The following KLRD1 variants were observed in gnomAD, a reference collection of about 807,000 sequenced individuals.
KLRD1 encodes the protein natural killer cells antigen CD94.
In KLRD1, 21 loss-of-function variants were observed where a neutral mutation model predicts 22.6. The observed-to-expected ratio is 0.93, with a 90% CI of 0.66 to 1.34. The LOEUF (loss-of-function observed/expected upper bound fraction) is 1.34, where lower values mean the gene tolerates loss of function less well. Among genes scored for constraint, KLRD1 ranks in the 40% most tolerant of loss-of-function variants. KLRD1 has a pLI of 0.00. For missense variants in KLRD1, 183 were observed against 208.6 expected (o/e 0.88, Z 0.76); for synonymous variants, 59 against 71.1 (o/e 0.83, Z 0.85).
rs1471947101 is a variant in KLRD1 at position 10,328,999 on chromosome 12, T to G, written c.*14206T>G. On this transcript the variant is annotated 3_prime_UTR_variant, in exon 6 of 6. Coordinates refer to ENST00000336164, the MANE Select transcript of KLRD1 (RefSeq NM_002262.5). ...GGGGGAAACCACCCCCATGATTCAA[T>G]TATCTCCCACTGGGTCCCTCCACCA... 1 of 152,158 alleles carries G rather than the reference T, an allele frequency of 6.6e-6. No individual in the cohort carries two copies. Among genetic ancestry groups the G allele is most frequent in the Non-Finnish European group, 1.5e-5 (1 of 68,024 alleles). The allele number at this position is 152,158 out of a possible 1,614,324, so 9.4% of individuals were successfully genotyped here.
intron 1 of KLRD1, among the ~76,000 whole-genome samples, chr12:10,284,979 C>T (rs1949687009): frequency 7.0e-6 from 1 of 143,308 alleles, no homozygotes; most frequent in Admixed American, 6.8e-5. Flanking sequence ...GAAACTCCAT[C>T]TCAAAAAAAA....
At chr12:10,275,092 G>T (rs1949581213) in intron 1 of KLRD1, among the ~76,000 whole-genome samples, 1 of 152,126 alleles carries the variant, frequency 6.6e-6, no homozygotes, top group Non-Finnish European at 1.5e-5. Context: ...GTTTCACCAT[G>T]TTGGTCAGGC....
At chr12:10,268,714 A>G (rs935633012) in intron 1 of KLRD1, among the ~76,000 whole-genome samples, 2 of 152,198 alleles carry the variant, frequency 1.3e-5, no homozygotes, top group African/African-American at 4.8e-5. Context: ...AATGTTGAAT[A>G]CTAATAGTTA....
Position 10,311,618 on chromosome 12 carries a change from A to G in KLRD1, c.315+3A>G. On this transcript the variant is annotated splice_donor_region_variant and intron_variant, in intron 4 of 5. Coordinates refer to ENST00000336164, the MANE Select transcript of KLRD1 (RefSeq NM_002262.5). ...AGCTTCAAAACACAGATGAACTGGC[A>G]TGTGCTGAGTCTGATTTTCTACATT... The G allele has an allele frequency of 6.2e-7, 1 of 1,613,670 alleles. No homozygotes were observed. Among genetic ancestry groups the G allele is most frequent in the Non-Finnish European group, 8.5e-7 (1 of 1,179,590 alleles).
chr12:10,283,516 G>A (rs1194673490), intron 1 of KLRD1, among the ~76,000 whole-genome samples: 10 of 151,394 alleles, frequency 6.6e-5, no homozygotes, highest in Admixed American at 2.0e-4. Flanking sequence ...ATCTCATGGT[G>A]TATTCCTATC....
At chr12:10,281,673 G>T (rs1949644670) in intron 1 of KLRD1, among the ~76,000 whole-genome samples, 1 of 152,106 alleles carries the variant, frequency 6.6e-6, no homozygotes, top group Non-Finnish European at 1.5e-5. Flanking sequence ...TTCAGTTGGA[G>T]CCAAAGGAAA....
intron 1 of KLRD1, among the ~76,000 whole-genome samples, chr12:10,274,479 A>C (rs1330118397): frequency 6.6e-6 from 1 of 152,152 alleles, no homozygotes; most frequent in East Asian, 1.9e-4. Context: ...TTTAATAATA[A>C]TCAAAGTTTC....
At chr12:10,313,636 G>T in intron 5 of KLRD1, 123 bp downstream of exon 5, 19 of 474,440 alleles carry the variant, frequency 4.0e-5, no homozygotes, top group East Asian at 6.8e-5. Context: ...TGAGAATACA[G>T]TAAAAGGAAA....
chr12:10,264,398 T>C (rs1949480820), intron 1 of KLRD1, among the ~76,000 whole-genome samples: 1 of 152,198 alleles, frequency 6.6e-6, no homozygotes, highest in African/African-American at 2.4e-5. Flanking sequence ...AAGTATTCAC[T>C]ACACTTAAAC....
intron 1 of KLRD1, among the ~76,000 whole-genome samples, chr12:10,253,032 TATCTA>T (rs938435890): frequency 1.3e-5 from 2 of 152,172 alleles, no homozygotes; most frequent in Non-Finnish European, 2.9e-5. Context: ...AAACATTTCT[TATCTA>T]ATGCTTTTAA....
chr12:10,257,746 AT>A (rs1259786621), intron 1 of KLRD1, among the ~76,000 whole-genome samples: 1 of 151,600 alleles, frequency 6.6e-6, no homozygotes, highest in African/African-American at 2.4e-5. Flanking sequence ...CTAAAGATTC[AT>A]TTTGTTTCTT....
chr12:10,273,154 A>T (rs1949564457), intron 1 of KLRD1, among the ~76,000 whole-genome samples: 1 of 152,206 alleles, frequency 6.6e-6, no homozygotes, highest in Non-Finnish European at 1.5e-5. Context: ...TGTCAAATTA[A>T]ATAATGAAAA....
chr12:10,248,530 TTTCCTTCCTTCC>T (rs547431896), intron 1 of KLRD1, among the ~76,000 whole-genome samples: 6,886 of 96,498 alleles, frequency 0.071, 377 homozygotes, highest in African/African-American at 0.16. Flanking sequence ...TGTATTTTCT[TTTCCTTCCTTCC>T]TTCCTTCCTT....
At position 10,324,186 on chromosome 12, in the gene KLRD1, T is replaced by TTCTG. The variant is rs1950337843; in HGVS notation, c.*9394_*9397dup. On this transcript the variant is annotated 3_prime_UTR_variant, in exon 6 of 6. Coordinates refer to ENST00000336164, the MANE Select transcript of KLRD1 (RefSeq NM_002262.5). ...CGATTCCTTTTTACTTCTGAGAGTC[T>TTCTG]TCTGATCCTTGAGTAAAGTATGTTT... 6.6e-6 allele frequency: 1 copy of TTCTG among 152,206 alleles called. No homozygotes were observed. The highest frequency in any genetic ancestry group is 1.5e-5 in the Non-Finnish European group (1 of 68,056). The allele number at this position is 152,206 out of a possible 1,614,324, so 9.4% of individuals were successfully genotyped here. A position where few individuals can be genotyped will look rare whatever the true frequency, so the allele number is the denominator to read the frequency against.
At chr12:10,248,256 C>G (rs2137616270) in intron 1 of KLRD1, among the ~76,000 whole-genome samples, 1 of 152,070 alleles carries the variant, frequency 6.6e-6, no homozygotes, top group South Asian at 2.1e-4. Context: ...ATCTATGAGA[C>G]TTTTACAGAT....
At chr12:10,292,636 G>T (rs550318879) in intron 1 of KLRD1, among the ~76,000 whole-genome samples, 1 of 152,082 alleles carries the variant, frequency 6.6e-6, no homozygotes, top group South Asian at 2.1e-4. Flanking sequence ...GGACTTTGTT[G>T]CTCTATATAG....
rs576869870 is a variant in KLRD1 at position 10,241,081 on chromosome 12, T to C, written c.-101+14848T>C. On this transcript the variant is annotated intron_variant, in intron 1 of 5. Transcript: ENST00000544747. The stretch of plus-strand genomic sequence containing the variant: ...TCATAATAAGAGTTGTGTAGTTACA[T>C]TCAGAGGCATTTACTATCTAGTGTC... 2.1e-3 allele frequency among the ~76,000 whole-genome samples: 322 copies of C among 152,304 alleles called. 1 individual carries two copies. The highest frequency in any genetic ancestry group is 4.0e-3 in the Non-Finnish European group (271 of 68,026).
In KLRD1 at chr12:10,324,518, C is replaced by T. The variant is rs1950341321; in HGVS notation, c.*9725C>T. Reference sequence around the variant, plus strand: ...GGTTTTCTGTTCTTCCATTGATTTGCTTAGGATAATGGCCTCTAGTTCTAT... The same window carrying T: ...GGTTTTCTGTTCTTCCATTGATTTGTTTAGGATAATGGCCTCTAGTTCTAT... On this transcript the variant is annotated 3_prime_UTR_variant, in exon 6 of 6. Transcript: ENST00000336164. 1 of 151,834 alleles carries T rather than the reference C, an allele frequency of 6.6e-6. No homozygotes were observed. Among genetic ancestry groups the T allele is most frequent in the South Asian group, 2.1e-4 (1 of 4,808 alleles). The allele number at this position is 151,834 out of a possible 1,614,324, so 9.4% of individuals were successfully genotyped here.
chr12:10,299,525 C>G (rs570072629), upstream of KLRD1, among the ~76,000 whole-genome samples: 2 of 152,014 alleles, frequency 1.3e-5, no homozygotes, highest in African/African-American at 4.8e-5. Flanking sequence ...AGCATTATGT[C>G]TTAAAAAACA....
Sources: gnomAD v4.1 joint callset for allele counts (sites outside exome capture counted in the v4.1 genomes callset) on GRCh38, gnomAD v4.1.1 for gene constraint, MANE v1.5 for transcripts, NCBI Gene and HGNC (gene_info 2026-07-23, HGNC 2026-07-21) for gene names.